The following SEMA3A variants were observed in gnomAD, a reference collection of about 807,000 sequenced individuals.
The protein encoded by SEMA3A is semaphorin-3A.
SEMA3A carries 29 observed loss-of-function variants against 97.9 expected under a neutral mutation model. The ratio of observed to expected loss-of-function variants is 0.30; its 90% CI spans 0.22 to 0.40. SEMA3A has a LOEUF of 0.40. SEMA3A is among the 10% of genes least tolerant of loss of function. The pLI is 1.00. For missense variants in SEMA3A, 763 were observed against 951.3 expected (o/e 0.80, Z 2.60); for synonymous variants, 321 against 323.7 (o/e 0.99, Z 0.09).
At chr7:84,397,079 T>G (rs1231309590) in intron 1 of SEMA3A, among the ~76,000 whole-genome samples, 1 of 152,032 alleles carries the variant, frequency 6.6e-6, no homozygotes, top group Admixed American at 6.6e-5. Flanking sequence ...GATTTACATT[T>G]CCATGTTTAT....
At chr7:84,193,110 C>T (rs1047231204) in intron 1 of SEMA3A, among the ~76,000 whole-genome samples, 1 of 151,944 alleles carries the variant, frequency 6.6e-6, no homozygotes, top group East Asian at 1.9e-4. Flanking sequence ...GTTTAAGTCT[C>T]TATTCCCAAC....
In SEMA3A at chr7:83,961,193, G is replaced by T; in HGVS notation, c.*178C>A. The T allele has an allele frequency of 1.6e-6, 1 of 610,752 alleles. No homozygotes were observed. The highest frequency in any genetic ancestry group is 2.0e-5 in the South Asian group (1 of 50,478). 37.8% of individuals were successfully genotyped at this position (610,752 alleles called of 1,614,324 possible). On this transcript the variant is annotated 3_prime_UTR_variant, in exon 17 of 17. Coordinates refer to ENST00000265362, the MANE Select transcript of SEMA3A (RefSeq NM_006080.3). The stretch of plus-strand genomic sequence containing the variant: ...TTAGGTGGTGGTATTAGGAAAAAAA[G>T]CCTATTAGGAAAGTTACTCATGGAT...
In SEMA3A at chr7:84,023,945, G is replaced by A. The variant is rs548772312; in HGVS notation, c.668-9594C>T. On this transcript the variant is annotated intron_variant, in intron 6 of 16. Transcript: ENST00000265362. ...GAGAATAGCGTGAACCCGGGAGGCG[G>A]AGCTTGCAGTGAACGGAGATCGCGC... Among the ~76,000 whole-genome samples, 20 of 151,198 alleles carry A rather than the reference G, an allele frequency of 1.3e-4. No homozygotes were observed. The East Asian group carries it at 4.0e-3, about 30-fold the overall frequency.
At chr7:84,384,722 C>T (rs533698818) in intron 1 of SEMA3A, among the ~76,000 whole-genome samples, 322 of 152,246 alleles carry the variant, frequency 2.1e-3, no homozygotes, top group South Asian at 4.8e-3. Flanking sequence ...ATGGGCCAAA[C>T]TTTCCTCCCT....
rs1253658789 is a variant in SEMA3A at position 84,101,593 on chromosome 7, G to C, written c.453+8877C>G. 3.3e-5 allele frequency among the ~76,000 whole-genome samples: 5 copies of C among 152,248 alleles called. No homozygotes were observed. The East Asian group carries it at 5.8e-4, about 18-fold the overall frequency. On this transcript the variant is annotated intron_variant, in intron 4 of 16. Coordinates refer to ENST00000265362, the MANE Select transcript of SEMA3A (RefSeq NM_006080.3). ...ATACTCCAGTTAGTTCTAACTGCTAGATTTCATTCAGTTTTGGTGACAATG... is the reference window on the plus strand; with the variant it reads ...ATACTCCAGTTAGTTCTAACTGCTACATTTCATTCAGTTTTGGTGACAATG...
chr7:84,409,903 G>T (rs375359398), intron 1 of SEMA3A, among the ~76,000 whole-genome samples: 30 of 152,144 alleles, frequency 2.0e-4, no homozygotes, highest in African/African-American at 7.0e-4. Flanking sequence ...CTCCTATTGT[G>T]AGGTATAAAG....
At chr7:84,001,293 C>T (rs945520944) in intron 12 of SEMA3A, among the ~76,000 whole-genome samples, 3 of 152,086 alleles carry the variant, frequency 2.0e-5, no homozygotes, top group Non-Finnish European at 4.4e-5. Flanking sequence ...TCCCTTCACC[C>T]CATGTCCTGC....
chr7:84,312,507 GT>G lies in SEMA3A; in HGVS notation c.-168-5216del, dbSNP rs77087305. On this transcript the variant is annotated intron_variant, in intron 2 of 3. Coordinates refer to the SEMA3A transcript ENST00000424555. The stretch of plus-strand genomic sequence containing the variant: ...AACTAAAATAACCTGGAGCTTAAAT[GT>G]TTGAGTTTATTCATACATTAAGATC... Among the ~76,000 whole-genome samples, 850 of 151,560 alleles carry G rather than the reference GT, an allele frequency of 5.6e-3. 36 individuals are homozygous for G. In the East Asian group the frequency reaches 0.11, roughly 19 times the overall value.
chr7:84,291,429 A>T (rs949141029), intron 3 of SEMA3A, among the ~76,000 whole-genome samples: 1 of 152,098 alleles, frequency 6.6e-6, no homozygotes, highest in African/African-American at 2.4e-5. Flanking sequence ...TGTATCTTAC[A>T]TTCAATTTTT....
chr7:84,135,714 C>G (rs1796104825), intron 1 of SEMA3A, among the ~76,000 whole-genome samples: 1 of 152,050 alleles, frequency 6.6e-6, no homozygotes, highest in Admixed American at 6.6e-5. Context: ...CTTGAGGCCT[C>G]TTTTATTTGA....
At chr7:84,170,591 C>T (rs1314469873) in intron 1 of SEMA3A, among the ~76,000 whole-genome samples, 1 of 151,964 alleles carries the variant, frequency 6.6e-6, no homozygotes, top group Non-Finnish European at 1.5e-5. Context: ...TGGAATACAA[C>T]AACTGAAAAT....
intron 1 of SEMA3A, among the ~76,000 whole-genome samples, chr7:84,396,280 G>T (rs779523718): frequency 4.0e-5 from 6 of 151,602 alleles, no homozygotes; most frequent in Non-Finnish European, 8.8e-5. Context: ...AAAAGATCAA[G>T]AAATCAGCAA....
chr7:84,489,662 A>T lies in SEMA3A; in HGVS notation c.-246+2798T>A, dbSNP rs779774907. ...GACACATCTAGGAAGCACTGTGCCC[A>T]TTTTACAGAGTTACTAGATTTTTCT... On this transcript the variant is annotated intron_variant, in intron 1 of 3. Transcript: ENST00000424555. 1.2e-3 allele frequency among the ~76,000 whole-genome samples: 181 copies of T among 152,110 alleles called. 3 individuals carry two copies. Among genetic ancestry groups the T allele is most frequent in the Non-Finnish European group, 3.8e-4 (26 of 68,020 alleles).
In SEMA3A at chr7:84,452,232, A is replaced by T. The variant is rs575734139; in HGVS notation, c.-246+40228T>A. Among the ~76,000 whole-genome samples, 81 of 152,280 alleles carry T rather than the reference A, an allele frequency of 5.3e-4. No individual in the cohort carries two copies. The South Asian group carries it at 0.011, about 20-fold the overall frequency. ...TTATCACTTAATAAATATACTCAAAAGTTATTATTTTAAGGCAATATATTT... is the reference window on the plus strand; with the variant it reads ...TTATCACTTAATAAATATACTCAAATGTTATTATTTTAAGGCAATATATTT... On this transcript the variant is annotated intron_variant, in intron 1 of 3. Coordinates refer to the SEMA3A transcript ENST00000424555.
At chr7:84,314,408 A>G (rs1176295535) in intron 2 of SEMA3A, among the ~76,000 whole-genome samples, 2 of 152,134 alleles carry the variant, frequency 1.3e-5, no homozygotes, top group African/African-American at 4.8e-5. Context: ...GTGTAATGGG[A>G]CATGACTGCA....
chr7:84,211,363 C>T (rs1798620453), intron 3 of SEMA3A, among the ~76,000 whole-genome samples: 1 of 151,864 alleles, frequency 6.6e-6, no homozygotes. Context: ...GTAATCCCAG[C>T]ACTTTGGGAG....
chr7:84,451,909 T>C (rs1584335088), intron 1 of SEMA3A, among the ~76,000 whole-genome samples: 1 of 152,342 alleles, frequency 6.6e-6, no homozygotes, highest in South Asian at 2.1e-4. Flanking sequence ...ATAACCTTTG[T>C]TAGTATCATT....
intron 3 of SEMA3A, among the ~76,000 whole-genome samples, chr7:84,120,464 A>C (rs2115982583): frequency 6.6e-6 from 1 of 152,312 alleles, no homozygotes; most frequent in African/African-American, 2.4e-5. Context: ...TAAGTGTTGG[A>C]TATTATTACA....
intron 3 of SEMA3A, among the ~76,000 whole-genome samples, chr7:84,114,491 T>C (rs118043400): frequency 5.9e-5 from 9 of 152,268 alleles, no homozygotes; most frequent in Admixed American, 3.9e-4. Flanking sequence ...CGATAGTTTG[T>C]GTAGAAATAT....
Sources: allele counts gnomAD v4.1 joint callset (sites outside exome capture counted in the v4.1 genomes callset), GRCh38; gene constraint gnomAD v4.1.1; transcripts MANE v1.5; gene names NCBI Gene and HGNC (gene_info 2026-07-23, HGNC 2026-07-21).